The following DAZAP1 variants were observed in gnomAD, a reference collection of about 807,000 sequenced individuals.
DAZAP1 encodes the protein DAZ-associated protein 1.
In DAZAP1, 6 loss-of-function variants were observed where a neutral mutation model predicts 60.1. The ratio of observed to expected loss-of-function variants is 0.10; its 90% CI spans 0.05 to 0.20. The LOEUF (loss-of-function observed/expected upper bound fraction) is 0.20. Ranked by LOEUF, DAZAP1 falls within the 10% of genes least tolerant of loss-of-function variation. The pLI is 1.00. For synonymous variants in DAZAP1, 235 were observed against 215.9 expected (o/e 1.09, Z -0.78); for missense variants, 366 against 560.4 (o/e 0.65, Z 3.50).
chr19:1,418,802 A>C lies in DAZAP1; in HGVS notation c.303+71A>C. ...CGTGGAAAGGAAATGCGTGCCTTCA[A>C]TCTGCTGTTGTCGCTCGTTAAGATT... On this transcript the variant is annotated intron_variant, in intron 4 of 11. Transcript: ENST00000233078. This position sits in a 1 kb window ranked among gnomAD's most constrained non-coding sequence, Gnocchi z 5.7. 6.8e-7 allele frequency: 1 copy of C among 1,462,810 alleles called. No homozygotes were observed. The allele number at this position is 1,462,810 out of a possible 1,614,324, so 90.6% of individuals were successfully genotyped here. A position where few individuals can be genotyped will look rare whatever the true frequency, so the allele number is the denominator to read the frequency against.
chr19:1,424,506 C>T (rs1014977809), intron 6 of DAZAP1, among the ~76,000 whole-genome samples: 1 of 151,988 alleles, frequency 6.6e-6, no homozygotes. Flanking sequence ...CCGTTTCCAT[C>T]TTTCCCCGCC....
intron 9 of DAZAP1, 99 bp from the exon 10 acceptor site, chr19:1,430,123 G>GA: frequency 1.3e-6 from 2 of 1,530,944 alleles, no homozygotes; most frequent in East Asian, 4.5e-5. Context: ...AAGAGAGGGT[G>GA]AGGGGCCTGC....
At position 1,433,855 on chromosome 19, in the gene DAZAP1, C is replaced by T. The variant is rs769612262; in HGVS notation, c.1049-882C>T. The T allele has an allele frequency of 1.9e-6, 3 of 1,598,814 alleles. No individual in the cohort carries two copies. Among genetic ancestry groups the T allele is most frequent in the South Asian group, 2.2e-5 (2 of 90,798 alleles). The stretch of plus-strand genomic sequence containing the variant: ...AGGTGCCGCCTCCTTCTCCAGGGTC[C>T]TCCCACCCGCCTGCACCGGGAGGTG... On this transcript the variant is annotated intron_variant, in intron 11 of 11. Coordinates refer to ENST00000233078, the MANE Select transcript of DAZAP1 (RefSeq NM_018959.4). This position sits in a 1 kb window ranked among gnomAD's most constrained non-coding sequence, Gnocchi z 6.1.
Position 1,425,404 on chromosome 19 carries a change from G to T in DAZAP1, c.464-474G>T, listed in dbSNP as rs1053063987. Among the ~76,000 whole-genome samples, 1 of 152,198 alleles carries T rather than the reference G, an allele frequency of 6.6e-6. No individual in the cohort carries two copies. Among genetic ancestry groups the T allele is most frequent in the East Asian group, 1.9e-4 (1 of 5,198 alleles). ...GGTGCACACCCCTGACTAAGATGGC[G>T]CATTCCACGCGGGCCCCCGGCCTGC... On this transcript the variant is annotated intron_variant, in intron 6 of 11. Coordinates refer to ENST00000233078, the MANE Select transcript of DAZAP1 (RefSeq NM_018959.4). The surrounding 1 kb of genome is among the most constrained non-coding windows in gnomAD (Gnocchi z 5.4).
rs1307226759 is a variant in DAZAP1, at chr19:1,434,630, C to G, written c.1049-107C>G. On this transcript the variant is annotated intron_variant, in intron 11 of 11. Transcript: ENST00000233078. This position sits in a 1 kb window ranked among gnomAD's most constrained non-coding sequence, Gnocchi z 8.0. ...GGGCCCCACCCGCACCCCGTGGGAC[C>G]CGTGGACTCAAGGCAGGCTCGGCGG... 5 of 1,237,194 alleles carry G rather than the reference C, an allele frequency of 4.0e-6. No homozygotes were observed. The African/African-American group carries it at 6.1e-5, about 15-fold the overall frequency. The allele number at this position is 1,237,194 out of a possible 1,614,324, so 76.6% of individuals were successfully genotyped here.
chr19:1,434,551 G>C lies in DAZAP1; in HGVS notation c.1049-186G>C. ...TGTGTGCCCCTGCTCACATGTTTTTGAGGGAGAGAACATGCCCGGGGTCCT... is the reference window on the plus strand; with the variant it reads ...TGTGTGCCCCTGCTCACATGTTTTTCAGGGAGAGAACATGCCCGGGGTCCT... On this transcript the variant is annotated intron_variant, in intron 11 of 11. Coordinates refer to ENST00000233078, the MANE Select transcript of DAZAP1 (RefSeq NM_018959.4). This position sits in a 1 kb window ranked among gnomAD's most constrained non-coding sequence, Gnocchi z 8.0. 5.2e-6 allele frequency: 3 copies of C among 577,520 alleles called. No individual in the cohort carries two copies. The allele number at this position is 577,520 out of a possible 1,614,324, so 35.8% of individuals were successfully genotyped here.
intron 10 of DAZAP1, among the ~76,000 whole-genome samples, chr19:1,431,330 C>T (rs561613299): frequency 2.5e-4 from 38 of 150,158 alleles, no homozygotes; most frequent in Admixed American, 2.0e-3. Flanking sequence ...AGGGTTTCAC[C>T]GTGTTAGGCA....
Position 1,418,685 on chromosome 19 carries a change from C to T in DAZAP1, c.257C>T (p.Thr86Ile). ...DGRNIDPKPC[T>I]PRGMQPERTR... is the part of the protein sequence containing the mutation. ...CTGCAGATCGACCCCAAGCCATGCA[C>T]ACCCCGGGGGATGCAGCCGGAGAGA... Residue 86 changes from threonine (T) to isoleucine (I), a missense_variant, in exon 4 of 12, where the codon ACA (threonine) becomes ATA (isoleucine). This residue lies in a region of DAZAP1 where 98 missense variants were observed against 155.3 expected (regional missense o/e 0.63). Transcript: ENST00000233078. The surrounding 1 kb of genome is among the most constrained non-coding windows in gnomAD (Gnocchi z 5.7). 2 of 1,614,018 alleles carry T rather than the reference C, an allele frequency of 1.2e-6. No individual in the cohort carries two copies. The highest frequency in any genetic ancestry group is 8.5e-7 in the Non-Finnish European group (1 of 1,179,952).
intron 1 of DAZAP1, among the ~76,000 whole-genome samples, chr19:1,408,029 C>T (rs2082714737): frequency 6.6e-6 from 1 of 151,924 alleles, no homozygotes; most frequent in Non-Finnish European, 1.5e-5. Context: ...GCTTCCCGTC[C>T]TGGGGGATCC....
chr19:1,430,113 A>T, intron 9 of DAZAP1, 109 bp from the exon 10 acceptor site: 1 of 1,558,906 alleles, frequency 6.4e-7, no homozygotes, highest in South Asian at 1.1e-5. Flanking sequence ...GCTGGAGAGG[A>T]AGAGAGGGTG....
Position 1,407,718 on chromosome 19 carries a change from G to A in DAZAP1, c.-56G>A. ...GGGCGACGGAGCGGGTGACCTTCCG[G>A]AGGCGGGAGCGAGCGAGGAGGCCCG... On this transcript the variant is annotated 5_prime_UTR_variant, in exon 1 of 12. Coordinates refer to ENST00000233078, the MANE Select transcript of DAZAP1 (RefSeq NM_018959.4). The A allele has an allele frequency of 4.7e-6, 5 of 1,066,046 alleles. No individual in the cohort carries two copies. Among genetic ancestry groups the A allele is most frequent in the Non-Finnish European group, 5.7e-6 (5 of 883,768 alleles). 66.0% of individuals were successfully genotyped at this position (1,066,046 alleles called of 1,614,324 possible).
rs767290727 is a variant in DAZAP1 at position 1,422,324 on chromosome 19, G to C, written c.415-24G>C. ...CTGTGGTGCTGGCCCTGGTGTCCGT[G>C]CTGACGCCACCCTCTCCTTCCAGGT... On this transcript the variant is annotated intron_variant, in intron 5 of 11. Coordinates refer to ENST00000233078, the MANE Select transcript of DAZAP1 (RefSeq NM_018959.4). The surrounding 1 kb of genome is among the most constrained non-coding windows in gnomAD (Gnocchi z 4.5). The C allele has an allele frequency of 6.2e-7, 1 of 1,613,148 alleles. No homozygotes were observed.
rs1821841480 is a variant in DAZAP1 at position 1,423,748 on chromosome 19, C to T, written c.463+1352C>T. Among the ~76,000 whole-genome samples, 1 of 152,256 alleles carries T rather than the reference C, an allele frequency of 6.6e-6. No individual in the cohort carries two copies. The highest frequency in any genetic ancestry group is 1.5e-5 in the Non-Finnish European group (1 of 68,046). ...CAATACTGCCTCTGATCTTGGGAAA[C>T]TTGAGCGCGCGGGAATCTGAGGGTT... On this transcript the variant is annotated intron_variant, in intron 6 of 11. Transcript: ENST00000233078. The surrounding 1 kb of genome is among the most constrained non-coding windows in gnomAD (Gnocchi z 6.8).
intron 1 of DAZAP1, among the ~76,000 whole-genome samples, chr19:1,413,619 G>C (rs1368711055): frequency 6.6e-6 from 1 of 152,228 alleles, no homozygotes; most frequent in Admixed American, 6.5e-5. Flanking sequence ...AGCGTTAGAA[G>C]CTGCTCTCAA....
Position 1,418,117 on chromosome 19 carries a change from AG to A in DAZAP1, c.71-85del. On this transcript the variant is annotated intron_variant, in intron 2 of 11. Coordinates refer to ENST00000233078, the MANE Select transcript of DAZAP1 (RefSeq NM_018959.4). This position sits in a 1 kb window ranked among gnomAD's most constrained non-coding sequence, Gnocchi z 5.7. ...GCTCGGTGCGTGGCTGGTGGACTGGAGGAGTGTGCGTGCCGGCAGCACTGCC... is the reference window on the plus strand; with the variant it reads ...GCTCGGTGCGTGGCTGGTGGACTGGAGAGTGTGCGTGCCGGCAGCACTGCC... 1 of 1,386,004 alleles carries A rather than the reference AG, an allele frequency of 7.2e-7. No individual in the cohort carries two copies. The highest frequency in any genetic ancestry group is 1.2e-5 in the South Asian group (1 of 81,080). The allele number at this position is 1,386,004 out of a possible 1,614,324, so 85.9% of individuals were successfully genotyped here. A position where few individuals can be genotyped will look rare whatever the true frequency, so the allele number is the denominator to read the frequency against.
At chr19:1,430,445 G>A (rs1485235156) in intron 10 of DAZAP1, 83 bp downstream of exon 10, 3 of 1,305,998 alleles carry the variant, frequency 2.3e-6, no homozygotes, top group South Asian at 1.7e-5. Context: ...GGAGTCTTGT[G>A]TTACACGTCT....
chr19:1,433,981 C>A lies in DAZAP1; in HGVS notation c.1049-756C>A. 1 of 670,874 alleles carries A rather than the reference C, an allele frequency of 1.5e-6. No individual in the cohort carries two copies. Among genetic ancestry groups the A allele is most frequent in the Non-Finnish European group, 2.5e-6 (1 of 395,068 alleles). The allele number at this position is 670,874 out of a possible 1,614,324, so 41.6% of individuals were successfully genotyped here. A position where few individuals can be genotyped will look rare whatever the true frequency, so the allele number is the denominator to read the frequency against. Reference sequence around the variant, plus strand: ...CAAGACATTGGCCACAAGCCTTCAGCGGGCCCAGGATCCCCCAGAGAGAGC... The same window carrying A: ...CAAGACATTGGCCACAAGCCTTCAGAGGGCCCAGGATCCCCCAGAGAGAGC... On this transcript the variant is annotated intron_variant, in intron 11 of 11. Transcript: ENST00000233078. This position sits in a 1 kb window ranked among gnomAD's most constrained non-coding sequence, Gnocchi z 6.1.
chr19:1,409,591 G>A (rs1453976471), intron 1 of DAZAP1, among the ~76,000 whole-genome samples: 1 of 152,238 alleles, frequency 6.6e-6, no homozygotes, highest in Non-Finnish European at 1.5e-5. Flanking sequence ...AGACTCCTTG[G>A]GCAAGAAGTG....
intron 4 of DAZAP1, among the ~76,000 whole-genome samples, chr19:1,419,003 G>A (rs1156531143): frequency 1.3e-5 from 2 of 152,008 alleles, no homozygotes; most frequent in East Asian, 1.9e-4. Flanking sequence ...TCTGTGCCCT[G>A]TGTGCCCTCT....
Sources: allele counts gnomAD v4.1 joint callset (sites outside exome capture counted in the v4.1 genomes callset), GRCh38; gene constraint gnomAD v4.1.1; regional missense constraint gnomAD v4.1.1; non-coding constraint Gnocchi (gnomAD v3.1); transcripts MANE v1.5; gene names NCBI Gene and HGNC (gene_info 2026-07-23, HGNC 2026-07-21).